Variants in FGF14 observed in about 807,000 individuals in gnomAD.
FGF14 encodes fibroblast growth factor 14.
FGF14 carries 5 observed loss-of-function variants against 25.5 expected under a neutral mutation model. The ratio of observed to expected loss-of-function variants is 0.20; its 90% confidence interval spans 0.10 to 0.41. FGF14 has a LOEUF of 0.41. Ranked by LOEUF, FGF14 falls within the 10% of genes least tolerant of loss-of-function variation. The pLI is 1.00. For synonymous variants in FGF14, 138 were observed against 118.3 expected (o/e 1.17, Z -1.08); for missense variants, 222 against 320.1 (o/e 0.69, Z 2.34).
At chr13:102,155,548 C>A (rs1186823857) in intron 1 of FGF14, among the ~76,000 whole-genome samples, 1 of 151,930 alleles carries the variant, frequency 6.6e-6, no homozygotes, top group Non-Finnish European at 1.5e-5. Flanking sequence ...TAAATGCCCA[C>A]AAGAGAAAGC....
intron 1 of FGF14, among the ~76,000 whole-genome samples, chr13:102,085,206 C>G (rs995057309): frequency 6.7e-5 from 9 of 134,522 alleles, no homozygotes; most frequent in African/African-American, 3.1e-4. Flanking sequence ...TTCTCTTTCT[C>G]TTTCCTTTTT....
chr13:102,316,191 T>C (rs1245388201), intron 1 of FGF14, among the ~76,000 whole-genome samples: 1 of 152,172 alleles, frequency 6.6e-6, no homozygotes, highest in Non-Finnish European at 1.5e-5. Flanking sequence ...AATTTAACTT[T>C]CTCAAATCCT....
intron 1 of FGF14, among the ~76,000 whole-genome samples, chr13:102,201,056 G>A (rs1327138287): frequency 3.0e-5 from 4 of 134,336 alleles, no homozygotes; most frequent in Non-Finnish European, 6.1e-5. Flanking sequence ...AGCTGAGATC[G>A]CGCCACTGCA....
At chr13:102,103,510 A>G (rs1395416925) in intron 1 of FGF14, among the ~76,000 whole-genome samples, 3 of 151,924 alleles carry the variant, frequency 2.0e-5, no homozygotes, top group Non-Finnish European at 4.4e-5. Context: ...GTTATAAGTA[A>G]AATTATATTC....
rs2044677934 is a variant in FGF14 at position 102,101,813 on chromosome 13, CCCTGCCTCAGCTT to C, written c.209-226530_209-226518del. ...TCCACCTCCCAGGTTCAAGCGATTC[CCCTGCCTCAGCTT>C]CCTGAGTAGCTGGAATTACAGATGC... On this transcript the variant is annotated intron_variant, in intron 1 of 4. Coordinates refer to the FGF14 transcript ENST00000376131. Among the ~76,000 whole-genome samples, 3 of 152,040 alleles carry C rather than the reference CCCTGCCTCAGCTT, an allele frequency of 2.0e-5. No homozygotes were observed. The South Asian group carries it at 6.2e-4, about 32-fold the overall frequency.
intron 1 of FGF14, among the ~76,000 whole-genome samples, chr13:101,995,545 C>G (rs569887643): frequency 6.6e-6 from 1 of 152,178 alleles, no homozygotes; most frequent in Non-Finnish European, 1.5e-5. Context: ...CATTATCTTA[C>G]CAATTAGAGT....
chr13:102,063,445 T>C (rs993175475), intron 1 of FGF14, among the ~76,000 whole-genome samples: 4 of 152,062 alleles, frequency 2.6e-5, no homozygotes. Context: ...CAAAACCTCA[T>C]GTCTACTCAA....
At chr13:102,236,099 G>T (rs1346328008) in intron 1 of FGF14, among the ~76,000 whole-genome samples, 3 of 152,156 alleles carry the variant, frequency 2.0e-5, no homozygotes, top group Admixed American at 6.5e-5. Flanking sequence ...TTGCTCTGTT[G>T]TCTTATACGT....
In FGF14 at chr13:102,061,281, T is replaced by C. The variant is rs180862034; in HGVS notation, c.209-185985A>G. On this transcript the variant is annotated intron_variant, in intron 1 of 4. Coordinates refer to the FGF14 transcript ENST00000376131. ...ACAAACCACTTGCAGACAGTAAAAC[T>C]GAAAGAGCGCACTGTAACACCTGCC... Among the ~76,000 whole-genome samples, 273 of 152,288 alleles carry C rather than the reference T, an allele frequency of 1.8e-3. No homozygotes were observed. The Middle Eastern group carries it at 0.02, about 11-fold the overall frequency.
At chr13:102,371,825 A>G (rs551979135) in intron 1 of FGF14, among the ~76,000 whole-genome samples, 2 of 152,324 alleles carry the variant, frequency 1.3e-5, no homozygotes, top group East Asian at 1.9e-4. Flanking sequence ...TATATGTAAA[A>G]TATATGTAAA....
At chr13:101,801,998 T>A (rs886839664) in intron 3 of FGF14, 2 of 461,234 alleles carry the variant, frequency 4.3e-6, no homozygotes, top group South Asian at 3.3e-5. Context: ...TTTAGCAGAA[T>A]TTTTCAAGAT....
intron 1 of FGF14, among the ~76,000 whole-genome samples, chr13:102,355,382 T>A (rs1014377010): frequency 3.5e-4 from 53 of 152,036 alleles, no homozygotes; most frequent in African/African-American, 1.2e-3. Flanking sequence ...TGGATGCTGG[T>A]GACACATTCC....
intron 1 of FGF14, among the ~76,000 whole-genome samples, chr13:102,310,692 T>A (rs1465074219): frequency 0.024 from 74 of 3,106 alleles, no homozygotes; most frequent in African/African-American, 0.066. Flanking sequence ...TCTCTGTGTG[T>A]GTGTGGGGGG....
intron 1 of FGF14, among the ~76,000 whole-genome samples, chr13:102,196,201 G>A (rs1336706): frequency 0.2 from 29,991 of 152,160 alleles, 3,414 homozygotes; most frequent in Admixed American, 0.28. Flanking sequence ...GTCTAGACAA[G>A]AGAATTAAGA....
chr13:102,171,897 T>G (rs1397301036), intron 1 of FGF14, among the ~76,000 whole-genome samples: 2 of 118,484 alleles, frequency 1.7e-5, no homozygotes, highest in East Asian at 3.9e-3. Flanking sequence ...TCTAGGTTTT[T>G]TTTTTTTTGC....
At chr13:101,835,977 T>C (rs2042906852) in intron 3 of FGF14, among the ~76,000 whole-genome samples, 2 of 152,056 alleles carry the variant, frequency 1.3e-5, no homozygotes, top group Non-Finnish European at 2.9e-5. Flanking sequence ...GAGCCAGTTG[T>C]ACTTTTAAAA....
At chr13:101,843,822 G>T (rs1410983043) in intron 3 of FGF14, among the ~76,000 whole-genome samples, 1 of 151,976 alleles carries the variant, frequency 6.6e-6, no homozygotes, top group Non-Finnish European at 1.5e-5. Flanking sequence ...TTGAAAGACA[G>T]TGAAATGCAT....
intron 1 of FGF14, among the ~76,000 whole-genome samples, chr13:102,262,010 C>A (rs895936230): frequency 6.6e-6 from 1 of 152,136 alleles, no homozygotes; most frequent in Non-Finnish European, 1.5e-5. Flanking sequence ...GAAGCAGTAG[C>A]CTTGTGGATT....
In FGF14 at chr13:102,317,427, A is replaced by G. The variant is rs553829964; in HGVS notation, c.208+84044T>C. On this transcript the variant is annotated intron_variant, in intron 1 of 4. Coordinates refer to the FGF14 transcript ENST00000376131. The stretch of plus-strand genomic sequence containing the variant: ...ATATATAGATATTATGAACCAACTG[A>G]TATGTTCCTTCCTCATTTACACACA... Among the ~76,000 whole-genome samples the G allele has an allele frequency of 1.3e-4, 20 of 152,260 alleles. No individual in the cohort carries two copies. In the South Asian group the frequency reaches 4.1e-3, roughly 32 times the overall value.
Sources: allele counts gnomAD v4.1 joint callset (sites outside exome capture counted in the v4.1 genomes callset), GRCh38; gene constraint gnomAD v4.1.1; transcripts MANE v1.5; gene names NCBI Gene and HGNC (gene_info 2026-07-23, HGNC 2026-07-21).